Variants in KSR2 observed in about 807,000 individuals in gnomAD.
The protein encoded by KSR2 is kinase suppressor of ras 2.
KSR2 carries 25 observed loss-of-function variants against 107.8 expected under a neutral mutation model. The ratio of observed to expected loss-of-function variants is 0.23; its 90% CI spans 0.17 to 0.32. The LOEUF (loss-of-function observed/expected upper bound fraction) is 0.32. KSR2 is among the 10% of genes least tolerant of loss of function. The pLI, the probability that KSR2 is intolerant of heterozygous loss-of-function variation, is 1.00. For missense variants in KSR2, 887 were observed against 1,268.9 expected (o/e 0.70, Z 4.57); for synonymous variants, 480 against 507.0 (o/e 0.95, Z 0.71).
At chr12:117,768,509 G>A (rs1190363074) in intron 3 of KSR2, among the ~76,000 whole-genome samples, 1 of 152,294 alleles carries the variant, frequency 6.6e-6, no homozygotes, top group Admixed American at 6.5e-5. Flanking sequence ...GTGGGCATCC[G>A]TCCTTGCGGC....
chr12:117,647,783 C>T (rs946934960), intron 5 of KSR2, among the ~76,000 whole-genome samples: 2 of 152,092 alleles, frequency 1.3e-5, no homozygotes, highest in African/African-American at 2.4e-5. Context: ...AGTGCAGTGG[C>T]GTGATCATAG....
intron 5 of KSR2, among the ~76,000 whole-genome samples, chr12:117,639,758 G>C (rs1236342634): frequency 6.6e-6 from 1 of 151,680 alleles, no homozygotes; most frequent in Non-Finnish European, 1.5e-5. Flanking sequence ...CTCATGGTGG[G>C]AGAAATGTCC....
intron 4 of KSR2, among the ~76,000 whole-genome samples, chr12:117,737,358 T>A (rs990146558): frequency 8.8e-6 from 1 of 114,022 alleles, no homozygotes; most frequent in Non-Finnish European, 2.0e-5. Flanking sequence ...GGCAGCACAC[T>A]GCATTTTTTT....
intron 3 of KSR2, among the ~76,000 whole-genome samples, chr12:117,792,266 C>G: frequency 6.6e-6 from 1 of 152,084 alleles, no homozygotes; most frequent in Admixed American, 6.5e-5. Flanking sequence ...AGGAGGATTG[C>G]TTAAGCCCGG....
intron 4 of KSR2, among the ~76,000 whole-genome samples, chr12:117,751,206 T>G (rs1038805101): frequency 6.6e-6 from 1 of 152,180 alleles, no homozygotes; most frequent in Non-Finnish European, 1.5e-5. Flanking sequence ...GCTGCCGCCA[T>G]GTGAAGAAGG....
intron 3 of KSR2, among the ~76,000 whole-genome samples, chr12:117,826,986 G>C (rs1215770692): frequency 7.1e-6 from 1 of 141,082 alleles, no homozygotes; most frequent in African/African-American, 2.7e-5. Context: ...AGTGAGCTGA[G>C]ATCACACCAC....
chr12:117,632,949 T>C (rs1356700557), intron 5 of KSR2, among the ~76,000 whole-genome samples: 2 of 152,178 alleles, frequency 1.3e-5, no homozygotes, highest in African/African-American at 2.4e-5. Context: ...CTGATGGGCA[T>C]TGAGGTGGAT....
chr12:117,561,294 A>T (rs1878102691), intron 7 of KSR2, among the ~76,000 whole-genome samples: 1 of 152,238 alleles, frequency 6.6e-6, no homozygotes, highest in East Asian at 1.9e-4. Flanking sequence ...GATGGTTGAA[A>T]AACATTTGGA....
At chr12:117,850,749 C>T (rs945097728) in intron 3 of KSR2, among the ~76,000 whole-genome samples, 1 of 150,200 alleles carries the variant, frequency 6.7e-6, no homozygotes, top group Non-Finnish European at 1.5e-5. Flanking sequence ...GTAGAGGCTG[C>T]AGTGAGCCAA....
At chr12:117,526,678 G>T (rs1452893939) in intron 13 of KSR2, among the ~76,000 whole-genome samples, 1 of 152,182 alleles carries the variant, frequency 6.6e-6, no homozygotes, top group Non-Finnish European at 1.5e-5. Context: ...ACTTAGGCAG[G>T]TGGGAAGAAG....
At chr12:117,965,653 T>A (rs140852109) in intron 1 of KSR2, among the ~76,000 whole-genome samples, 1 of 152,218 alleles carries the variant, frequency 6.6e-6, no homozygotes, top group Non-Finnish European at 1.5e-5. Context: ...ATTAAAGAGC[T>A]GAAATATCAC....
At chr12:117,729,437 A>C (rs936530932) in intron 4 of KSR2, among the ~76,000 whole-genome samples, 4 of 152,122 alleles carry the variant, frequency 2.6e-5, no homozygotes, top group Non-Finnish European at 4.4e-5. Context: ...TGTCGAAAGG[A>C]ATGATAAAGA....
intron 1 of KSR2, among the ~76,000 whole-genome samples, chr12:117,961,090 C>T (rs1031744559): frequency 2.0e-5 from 3 of 152,294 alleles, no homozygotes; most frequent in Admixed American, 1.3e-4. Flanking sequence ...TGACCCACCA[C>T]ATCCAGCCTA....
chr12:117,518,474 C>G (rs1032043336), intron 14 of KSR2, among the ~76,000 whole-genome samples: 1 of 152,228 alleles, frequency 6.6e-6, no homozygotes, highest in Admixed American at 6.5e-5. Context: ...ACCCCAGAGC[C>G]TTTTCTCTTG....
chr12:117,949,486 A>G (rs981897518), intron 1 of KSR2, among the ~76,000 whole-genome samples: 3 of 152,242 alleles, frequency 2.0e-5, no homozygotes, highest in African/African-American at 7.2e-5. Flanking sequence ...GTAAAGGAGA[A>G]TAGATCAGTG....
chr12:117,760,580 C>T (rs1179567614), intron 4 of KSR2, among the ~76,000 whole-genome samples: 1 of 152,094 alleles, frequency 6.6e-6, no homozygotes, highest in Non-Finnish European at 1.5e-5. Context: ...TATCCTATTT[C>T]TAGGAGCGGC....
intron 1 of KSR2, among the ~76,000 whole-genome samples, chr12:117,915,793 AT>A (rs1007076412): frequency 3.9e-5 from 6 of 152,218 alleles, no homozygotes; most frequent in African/African-American, 1.2e-4. Context: ...CCTCTCACTC[AT>A]TTTTTTAAAA....
intron 1 of KSR2, among the ~76,000 whole-genome samples, chr12:117,966,611 T>TCACACA (rs1377075943): frequency 6.0e-4 from 46 of 77,252 alleles, no homozygotes; most frequent in African/African-American, 2.2e-3. Flanking sequence ...TCTCTCTCTC[T>TCACACA]CACACGCGCA....
At chr12:117,895,453 A>C (rs1343091008) in intron 1 of KSR2, among the ~76,000 whole-genome samples, 1 of 152,108 alleles carries the variant, frequency 6.6e-6, no homozygotes, top group Non-Finnish European at 1.5e-5. Context: ...ATAATAATAA[A>C]ACCAATTCTC....
Sources: allele counts gnomAD v4.1 joint callset (sites outside exome capture counted in the v4.1 genomes callset), GRCh38; gene constraint gnomAD v4.1.1; transcripts MANE v1.5; gene names NCBI Gene and HGNC (gene_info 2026-07-23, HGNC 2026-07-21).